The following SDK2 variants were observed in gnomAD, a reference collection of about 807,000 sequenced individuals.
SDK2 encodes sidekick cell adhesion molecule 2.
Under a neutral mutation model 253.9 loss-of-function variants are expected in SDK2, and 105 were observed. That is an observed-to-expected ratio of 0.41 (90% confidence interval 0.35 to 0.49). The LOEUF (loss-of-function observed/expected upper bound fraction) is 0.49, where lower values mean the gene tolerates loss of function less well. Ranked by LOEUF, SDK2 falls within the 20% of genes least tolerant of loss-of-function variation. The pLI is 0.06. For synonymous variants in SDK2, 1,249 were observed against 1,234.9 expected (o/e 1.01, Z -0.24); for missense variants, 2,608 against 3,003.0 (o/e 0.87, Z 3.07).
In SDK2 at chr17:73,644,219, T is replaced by G. The variant is rs2046435286; in HGVS notation, c.-131A>C. On this transcript the variant is annotated 5_prime_UTR_variant, in exon 1 of 45. Coordinates refer to ENST00000392650, the MANE Select transcript of SDK2 (RefSeq NM_001144952.2). This position sits in a 1 kb window ranked among gnomAD's most constrained non-coding sequence, Gnocchi z 6.3. ...GTCTACGCGGCTCCGTGCCCCGGGG[T>G]GTAATATGCCCGGGAGGGGCAGCGC... is the stretch of plus-strand genomic sequence containing the variant. 2 of 731,292 alleles carry G rather than the reference T, an allele frequency of 2.7e-6. No individual in the cohort carries two copies. Among genetic ancestry groups the G allele is most frequent in the Admixed American group, 4.6e-5 (2 of 43,942 alleles). 45.3% of individuals were successfully genotyped at this position (731,292 alleles called of 1,614,324 possible). A position where few individuals can be genotyped will look rare whatever the true frequency, so the allele number is the denominator to read the frequency against.
intron 1 of SDK2, among the ~76,000 whole-genome samples, chr17:73,545,467 G>A (rs747670267): frequency 5.3e-5 from 8 of 152,168 alleles, no homozygotes; most frequent in Non-Finnish European, 1.2e-4. Context: ...AGAGATGAGG[G>A]GGTTGAGGGG....
At chr17:73,359,519 T>G (rs1044429347) in intron 39 of SDK2, among the ~76,000 whole-genome samples, 3 of 152,166 alleles carry the variant, frequency 2.0e-5, no homozygotes, top group Admixed American at 6.5e-5. Context: ...AGGACAGTAC[T>G]CAGGGCTGAG....
chr17:73,523,598 G>A (rs1025657542), intron 1 of SDK2, among the ~76,000 whole-genome samples: 11 of 152,092 alleles, frequency 7.2e-5, no homozygotes, highest in Non-Finnish European at 1.5e-4. Context: ...CCAGAAACCA[G>A]AAGAGGCAAG....
In SDK2 at chr17:73,577,090, G is replaced by A. The variant is rs1490380767; in HGVS notation, c.64+66935C>T. On this transcript the variant is annotated intron_variant, in intron 1 of 44. Coordinates refer to ENST00000392650, the MANE Select transcript of SDK2 (RefSeq NM_001144952.2). ...AGGGTCCAGGCTAGAGAAAGGACAC[G>A]GACTGGATATGGAGGTGTAGACCCC... Among the ~76,000 whole-genome samples the A allele has an allele frequency of 3.3e-5, 5 of 152,270 alleles. No individual in the cohort carries two copies. The East Asian group carries it at 5.8e-4, about 18-fold the overall frequency.
chr17:73,544,727 A>C (rs2044928585), intron 1 of SDK2, among the ~76,000 whole-genome samples: 1 of 152,180 alleles, frequency 6.6e-6, no homozygotes, highest in South Asian at 2.1e-4. Context: ...TAACCTCTTC[A>C]TTTCACAGGG....
chr17:73,395,497 C>T lies in SDK2; in HGVS notation c.3355-105G>A, dbSNP rs9894473. On this transcript the variant is annotated intron_variant, in intron 24 of 44. Coordinates refer to ENST00000392650, the MANE Select transcript of SDK2 (RefSeq NM_001144952.2). This position sits in a 1 kb window ranked among gnomAD's most constrained non-coding sequence, Gnocchi z 4.3. ...CCTCCAGGGCGCCTTCAGGGCTATC[C>T]ATCCCACTGTCACCCGGTCAGTGTC... The T allele has an allele frequency of 0.054, 43,754 of 809,716 alleles. 1,413 individuals carry two copies. Among genetic ancestry groups the T allele is most frequent in the East Asian group, 0.12 (4,503 of 37,628 alleles). 50.2% of individuals were successfully genotyped at this position (809,716 alleles called of 1,614,324 possible). A position where few individuals can be genotyped will look rare whatever the true frequency, so the allele number is the denominator to read the frequency against.
chr17:73,353,797 A>G (rs1162546515), intron 40 of SDK2, among the ~76,000 whole-genome samples: 1 of 137,612 alleles, frequency 7.3e-6, no homozygotes, highest in South Asian at 2.3e-4. Flanking sequence ...TCCGCCTCCC[A>G]GGTTCAAGCT....
Position 73,394,070 on chromosome 17 carries a change from T to C in SDK2, c.3708+139A>G, listed in dbSNP as rs542236982. ...TGACTCATGGTTGCCATGGTGACCA[T>C]TGGCTAGGACGCCAGGCAGATCCCC... is the stretch of plus-strand genomic sequence containing the variant. On this transcript the variant is annotated intron_variant, in intron 26 of 44. Coordinates refer to ENST00000392650, the MANE Select transcript of SDK2 (RefSeq NM_001144952.2). 26 of 540,162 alleles carry C rather than the reference T, an allele frequency of 4.8e-5. No homozygotes were observed. In the South Asian group the frequency reaches 6.8e-4, roughly 14 times the overall value. The allele number at this position is 540,162 out of a possible 1,614,324, so 33.5% of individuals were successfully genotyped here.
At chr17:73,539,214 C>T (rs1224184656) in intron 1 of SDK2, among the ~76,000 whole-genome samples, 9 of 152,118 alleles carry the variant, frequency 5.9e-5, no homozygotes, top group Admixed American at 1.3e-4. Context: ...GTTTCCTTGT[C>T]GCTTGAAATG....
At chr17:73,594,608 A>ACC (rs1450947236) in intron 1 of SDK2, among the ~76,000 whole-genome samples, 2 of 152,130 alleles carry the variant, frequency 1.3e-5, no homozygotes, top group African/African-American at 4.8e-5. Flanking sequence ...ACACACACAC[A>ACC]CAACACATAC....
intron 1 of SDK2, among the ~76,000 whole-genome samples, chr17:73,550,726 G>C (rs529146938): frequency 1.3e-5 from 2 of 152,240 alleles, no homozygotes; most frequent in Non-Finnish European, 2.9e-5. Context: ...ACAGGGAACT[G>C]GTTGCAGGTG....
chr17:73,414,839 G>A lies in SDK2; in HGVS notation c.2369-80C>T, dbSNP rs1025515982. 5.7e-6 allele frequency: 5 copies of A among 870,352 alleles called. No homozygotes were observed. In the African/African-American group the frequency reaches 8.2e-5, roughly 14 times the overall value. The allele number at this position is 870,352 out of a possible 1,614,324, so 53.9% of individuals were successfully genotyped here. ...GCCCAGTTCAGTAGAGAAAACGCAG[G>A]GGTGGGGGCTATAGCCTCTGCCTTG... On this transcript the variant is annotated intron_variant, in intron 17 of 44. Transcript: ENST00000392650.
chr17:73,530,316 C>T lies in SDK2; in HGVS notation c.65-22719G>A, dbSNP rs2410770. Among the ~76,000 whole-genome samples the T allele has an allele frequency of 9.4e-3, 1,438 of 152,288 alleles. 16 individuals are homozygous for T. The highest frequency in any genetic ancestry group is 0.033 in the African/African-American group (1,354 of 41,552). On this transcript the variant is annotated intron_variant, in intron 1 of 44. Coordinates refer to ENST00000392650, the MANE Select transcript of SDK2 (RefSeq NM_001144952.2). Reference sequence around the variant, plus strand: ...CAGAAGGCGAAGGGGAAGCAAGGCACGTCTTACATGGTAGCAGGAGAGAGA... The same window carrying T: ...CAGAAGGCGAAGGGGAAGCAAGGCATGTCTTACATGGTAGCAGGAGAGAGA...
At chr17:73,418,059 G>A (rs2063198958) in intron 16 of SDK2, among the ~76,000 whole-genome samples, 1 of 136,500 alleles carries the variant, frequency 7.3e-6, no homozygotes, top group Admixed American at 8.8e-5. Context: ...CCAGGCTGGA[G>A]TGCAGTGGTG....
chr17:73,417,477 C>G (rs969359837), intron 16 of SDK2, among the ~76,000 whole-genome samples: 3 of 151,946 alleles, frequency 2.0e-5, no homozygotes, highest in African/African-American at 7.3e-5. Context: ...CTAGCCCCCA[C>G]ACTGTTCAAG....
In SDK2 at chr17:73,472,191, G is replaced by A. The variant is rs747733284; in HGVS notation, c.252C>T (p.Thr84=). ...YRYMITSLDR[T]HAGFYRCIVR... ...CGATGCAACGGTAAAAGCCAGCGTG[G>A]GTGCGGTCCAGGCTGGTGATCATGT... is the stretch of plus-strand genomic sequence containing the variant. Residue 84 remains threonine, a synonymous_variant, in exon 3 of 45, where the codon ACC becomes ACT. Coordinates refer to ENST00000392650, the MANE Select transcript of SDK2 (RefSeq NM_001144952.2). The A allele has an allele frequency of 6.4e-7, 1 of 1,551,710 alleles. No individual in the cohort carries two copies. Among genetic ancestry groups the A allele is most frequent in the Admixed American group, 2.0e-5 (1 of 50,998 alleles).
intron 36 of SDK2, among the ~76,000 whole-genome samples, chr17:73,376,692 C>G (rs954142093): frequency 6.6e-6 from 1 of 152,054 alleles, no homozygotes; most frequent in Non-Finnish European, 1.5e-5. Flanking sequence ...TTACAAGCCT[C>G]GACAGTCTGG....
intron 29 of SDK2, among the ~76,000 whole-genome samples, chr17:73,389,274 C>T (rs1029718451): frequency 4.0e-5 from 6 of 149,620 alleles, no homozygotes; most frequent in African/African-American, 1.2e-4. Flanking sequence ...ACCTCCGCCT[C>T]GCAGGTTCAA....
chr17:73,412,110 A>T (rs62072148), intron 18 of SDK2, among the ~76,000 whole-genome samples: 3 of 23,794 alleles, frequency 1.3e-4, no homozygotes, highest in Non-Finnish European at 2.6e-4. Context: ...ATGTATACGT[A>T]TATATGTATA....
Sources: gnomAD v4.1 joint callset for allele counts (sites outside exome capture counted in the v4.1 genomes callset) on GRCh38, gnomAD v4.1.1 for gene constraint, Gnocchi (gnomAD v3.1) non-coding constraint, MANE v1.5 for transcripts, NCBI Gene and HGNC (gene_info 2026-07-23, HGNC 2026-07-21) for gene names.